Variants in BOC observed in about 807,000 individuals in gnomAD.
The protein encoded by BOC is brother of CDO.
BOC carries 76 observed loss-of-function variants against 112.0 expected under a neutral mutation model. The observed-to-expected ratio is 0.68, with a 90% confidence interval of 0.56 to 0.82. BOC has a LOEUF of 0.82. Ranked by LOEUF, BOC falls within the 40% of genes least tolerant of loss-of-function variation. BOC has a pLI of 0.00. For missense variants in BOC, 1,309 were observed against 1,511.7 expected, an observed-to-expected ratio of 0.87 and a Z score of 2.22; for synonymous variants, 580 against 599.8, an observed-to-expected ratio of 0.97 and a Z score of 0.48.
chr3:113,258,081 C>G (rs1482147656), intron 4 of BOC, among the ~76,000 whole-genome samples: 1 of 152,166 alleles, frequency 6.6e-6, no homozygotes, highest in Non-Finnish European at 1.5e-5. Context: ...CGGAGGCTAG[C>G]AAGGATTCAT....
chr3:113,256,778 T>C (rs1946271401), intron 4 of BOC, among the ~76,000 whole-genome samples: 1 of 151,700 alleles, frequency 6.6e-6, no homozygotes, highest in Non-Finnish European at 1.5e-5. Context: ...TGTATATATA[T>C]ATGTATAATA....
Position 113,272,612 on chromosome 3 carries a change from C to T in BOC, c.870C>T (p.Ser290=), listed in dbSNP as rs143778803. 38 of 1,613,862 alleles carry T rather than the reference C, an allele frequency of 2.4e-5. No individual in the cohort carries two copies. Among genetic ancestry groups the T allele is most frequent in the African/African-American group, 5.3e-5 (4 of 74,862 alleles). The change falls in exon 7 of 20, where the codon AGC becomes AGT. Residue 290 remains serine, a synonymous_variant. Transcript: ENST00000682979. Reference sequence around the variant, plus strand: ...GCAACCTCCTCATCGACACCACCAGCGAGGAGGACTCAGGCACCTACCGCT... The same window carrying T: ...GCAACCTCCTCATCGACACCACCAGTGAGGAGGACTCAGGCACCTACCGCT... ...LLSNLLIDTT[S]EEDSGTYRCM... is the part of the protein sequence containing the mutation.
rs2107534685 is a variant in BOC, at chr3:113,211,601, G to A, written c.-585G>A. ...TCCATATGGAGGGACCGGGTGCGCT[G>A]GGCGCGGCGTCCCCTGCGTTGTCCT... On this transcript the variant is annotated 5_prime_UTR_variant, in exon 1 of 20. Transcript: ENST00000682979. 6.6e-6 allele frequency: 1 copy of A among 152,272 alleles called. No individual in the cohort carries two copies. Among genetic ancestry groups the A allele is most frequent in the South Asian group, 2.1e-4 (1 of 4,824 alleles). The allele number at this position is 152,272 out of a possible 1,614,324, so 9.4% of individuals were successfully genotyped here.
rs900725905 is a variant in BOC at position 113,267,950 on chromosome 3, G to A, written c.377-349G>A. Among the ~76,000 whole-genome samples, 8 of 126,082 alleles carry A rather than the reference G, an allele frequency of 6.3e-5. No homozygotes were observed. In the East Asian group the frequency reaches 2.1e-3, roughly 33 times the overall value. The allele number at this position is 126,082 out of a possible 152,430, so 82.7% of individuals were successfully genotyped here. A position where few individuals can be genotyped will look rare whatever the true frequency, so the allele number is the denominator to read the frequency against. On this transcript the variant is annotated intron_variant, in intron 4 of 19. Coordinates refer to ENST00000682979, the MANE Select transcript of BOC (RefSeq NM_001378074.1). ...TTGAGCCTGCTGACAGCTCTGCTAGGACATTTGTACTTTGACCCCCCCCCA... is the reference window on the plus strand; with the variant it reads ...TTGAGCCTGCTGACAGCTCTGCTAGAACATTTGTACTTTGACCCCCCCCCA...
chr3:113,235,635 A>C (rs567259177), intron 2 of BOC, among the ~76,000 whole-genome samples: 1 of 152,352 alleles, frequency 6.6e-6, no homozygotes, highest in South Asian at 2.1e-4. Flanking sequence ...CTTAAGTGAT[A>C]TTAAATGCTG....
chr3:113,249,714 T>G lies in BOC; in HGVS notation c.-81-8T>G. Reference sequence around the variant, plus strand: ...TGGCCATTGCTCTCCCTTTCTCTCTTACAACAGAGTGTTGCCAGGGACGGC... The same window carrying G: ...TGGCCATTGCTCTCCCTTTCTCTCTGACAACAGAGTGTTGCCAGGGACGGC... On this transcript the variant is annotated splice_polypyrimidine_tract_variant and splice_region_variant and intron_variant, in intron 2 of 19. Transcript: ENST00000682979. The G allele has an allele frequency of 1.8e-6, 2 of 1,119,042 alleles. No homozygotes were observed. The highest frequency in any genetic ancestry group is 2.6e-6 in the Non-Finnish European group (2 of 776,858). The allele number at this position is 1,119,042 out of a possible 1,614,324, so 69.3% of individuals were successfully genotyped here.
chr3:113,272,471 C>T lies in BOC; in HGVS notation c.729C>T (p.Thr243=). Residue 243 remains threonine (T), a synonymous_variant, in exon 7 of 20, where the codon ACC becomes ACT. Coordinates refer to ENST00000682979, the MANE Select transcript of BOC (RefSeq NM_001378074.1). ...YPPEAQTIIV[T]KGQSLILECV... is the part of the protein sequence containing the mutation. ...CAGAGGCCCAAACCATCATCGTCAC[C>T]AAAGGCCAGAGTCTCATTCTGGAGT... is the stretch of plus-strand genomic sequence containing the variant. 2 of 1,614,158 alleles carry T rather than the reference C, an allele frequency of 1.2e-6. No homozygotes were observed. The highest frequency in any genetic ancestry group is 1.7e-6 in the Non-Finnish European group (2 of 1,180,038).
At position 113,216,285 on chromosome 3, in the gene BOC, T is replaced by G. The variant is rs1361493443; in HGVS notation, c.-82+11T>G. On this transcript the variant is annotated intron_variant, in intron 2 of 19. Coordinates refer to ENST00000682979, the MANE Select transcript of BOC (RefSeq NM_001378074.1). ...TCGAAAGTAGAAGAAGTGGGTGAGGTTTTCTCTTCAGTCTGATAGCTCTGG... is the reference window on the plus strand; with the variant it reads ...TCGAAAGTAGAAGAAGTGGGTGAGGGTTTCTCTTCAGTCTGATAGCTCTGG... 1 of 456,408 alleles carries G rather than the reference T, an allele frequency of 2.2e-6. No homozygotes were observed. Among genetic ancestry groups the G allele is most frequent in the Non-Finnish European group, 4.4e-6 (1 of 226,902 alleles). 28.3% of individuals were successfully genotyped at this position (456,408 alleles called of 1,614,324 possible).
Position 113,214,712 on chromosome 3 carries a change from G to A in BOC, c.-169-1475G>A, listed in dbSNP as rs184755479. On this transcript the variant is annotated intron_variant, in intron 1 of 19. Transcript: ENST00000682979. ...GAAAAGAATCGAAATTTGAGAGGGA[G>A]AGGAAAGAAAATAATATGTTCCATT... Among the ~76,000 whole-genome samples, 7 of 152,316 alleles carry A rather than the reference G, an allele frequency of 4.6e-5. No individual in the cohort carries two copies. In the East Asian group the frequency reaches 1.3e-3, roughly 29 times the overall value.
intron 15 of BOC, among the ~76,000 whole-genome samples, chr3:113,281,464 G>A (rs1189613711): frequency 1.3e-5 from 2 of 152,150 alleles, no homozygotes; most frequent in African/African-American, 4.8e-5. Flanking sequence ...GCTTACATGG[G>A]TTGGTTTATT....
intron 4 of BOC, 83 bp from the exon 5 acceptor site, chr3:113,268,216 C>G (rs1233476712): frequency 1.9e-6 from 3 of 1,566,304 alleles, no homozygotes; most frequent in Non-Finnish European, 2.6e-6. Context: ...TCATGACTGA[C>G]AACACCAAGG....
Position 113,284,372 on chromosome 3 carries a change from T to C in BOC, c.2694T>C (p.Leu898=), listed in dbSNP as rs753656835. 1 of 1,614,188 alleles carries C rather than the reference T, an allele frequency of 6.2e-7. No individual in the cohort carries two copies. Among genetic ancestry groups the C allele is most frequent in the South Asian group, 1.1e-5 (1 of 91,082 alleles). ...ACCTGGGTTTTCCTCGAAGTGCCCT[T>C]CCACCCTCCTGCCCGTATACTATGG... ...TTDLGFPRSA[L]PPSCPYTMVP... Residue 898 remains leucine, a synonymous_variant, in exon 17 of 20, where the codon CTT becomes CTC. Coordinates refer to ENST00000682979, the MANE Select transcript of BOC (RefSeq NM_001378074.1).
In BOC at chr3:113,280,600, T is replaced by C; in HGVS notation, c.2248T>C (p.Tyr750His). The change falls in exon 14 of 20, where the codon TAT (tyrosine) becomes CAT (histidine). Residue 750 changes from tyrosine (Y) to histidine (H), a missense_variant. Tyr to His is a moderately conservative substitution (Grantham distance 83, BLOSUM62 2). Coordinates refer to ENST00000682979, the MANE Select transcript of BOC (RefSeq NM_001378074.1). ...SNNNTPIHGF[Y>H]IYYRPTDSDN... ...CAACAACACCCCAATCCATGGCTTT[T>C]ATATCTATTATCGACCCACAGACAG... 6.2e-7 allele frequency: 1 copy of C among 1,612,924 alleles called. No individual in the cohort carries two copies. The highest frequency in any genetic ancestry group is 8.5e-7 in the Non-Finnish European group (1 of 1,178,892).
At chr3:113,219,623 G>C (rs574566338) in intron 2 of BOC, among the ~76,000 whole-genome samples, 5 of 152,146 alleles carry the variant, frequency 3.3e-5, no homozygotes, top group African/African-American at 9.7e-5. Flanking sequence ...TTCTAGCTTC[G>C]GGAAAACTGT....
intron 2 of BOC, among the ~76,000 whole-genome samples, chr3:113,222,465 G>A (rs1940886960): frequency 6.6e-6 from 1 of 152,214 alleles, no homozygotes; most frequent in African/African-American, 2.4e-5. Flanking sequence ...CTACTGTTAA[G>A]AGTATCTGTT....
Position 113,274,107 on chromosome 3 carries a change from CACGTGGA to C in BOC, c.1235-267_1235-261del, listed in dbSNP as rs1948423257. On this transcript the variant is annotated intron_variant, in intron 8 of 19. Coordinates refer to ENST00000682979, the MANE Select transcript of BOC (RefSeq NM_001378074.1). The surrounding 1 kb of genome is among the most constrained non-coding windows in gnomAD (Gnocchi z 4.8). ...GAGTTAGTTCACTGGAGATGCACCT[CACGTGGA>C]TTCAGGAGTTTGCTTGCCATACCCA... 6.6e-6 allele frequency among the ~76,000 whole-genome samples: 1 copy of C among 152,212 alleles called. No homozygotes were observed. Among genetic ancestry groups the C allele is most frequent in the Non-Finnish European group, 1.5e-5 (1 of 68,038 alleles).
At chr3:113,265,080 A>C (rs1947322601) in intron 4 of BOC, among the ~76,000 whole-genome samples, 1 of 152,194 alleles carries the variant, frequency 6.6e-6, no homozygotes, top group Non-Finnish European at 1.5e-5. Flanking sequence ...AGCAGCTGTC[A>C]GAGGGTGCAG....
In BOC at chr3:113,249,788, C is replaced by T. The variant is rs1945376840; in HGVS notation, c.-15C>T. 1.2e-6 allele frequency: 2 copies of T among 1,604,356 alleles called. No homozygotes were observed. The highest frequency in any genetic ancestry group is 1.3e-5 in the African/African-American group (1 of 74,310). On this transcript the variant is annotated 5_prime_UTR_variant, in exon 3 of 20. Coordinates refer to ENST00000682979, the MANE Select transcript of BOC (RefSeq NM_001378074.1). ...CGGCTTATGGGACGTTGGCTTCAGA[C>T]CTTTGTGATACACCATGCTGCGTGG... is the stretch of plus-strand genomic sequence containing the variant.
At chr3:113,258,985 G>A (rs1034323035) in intron 4 of BOC, among the ~76,000 whole-genome samples, 3 of 152,230 alleles carry the variant, frequency 2.0e-5, no homozygotes, top group African/African-American at 7.2e-5. Context: ...GATGCAGGCA[G>A]AAATTAATAG....
Sources: allele counts gnomAD v4.1 joint callset (sites outside exome capture counted in the v4.1 genomes callset), GRCh38; gene constraint gnomAD v4.1.1; non-coding constraint Gnocchi (gnomAD v3.1); transcripts MANE v1.5; gene names NCBI Gene and HGNC (gene_info 2026-07-23, HGNC 2026-07-21).